The following OIP5 variants were observed in gnomAD, a reference collection of about 807,000 sequenced individuals.
The protein encoded by OIP5 is Opa interacting protein 5.
In OIP5, 24 loss-of-function variants were observed where a neutral mutation model predicts 20.3. The ratio of observed to expected loss-of-function variants is 1.18; its 90% CI spans 0.86 to 1.66. OIP5 has a LOEUF of 1.66. Among genes scored for constraint, OIP5 ranks in the 40% most tolerant of loss-of-function variants. OIP5 has a pLI of 0.00. For missense variants in OIP5, 339 were observed against 289.5 expected, an observed-to-expected ratio of 1.17 and a Z score of -1.24; for synonymous variants, 143 against 121.3, an observed-to-expected ratio of 1.18 and a Z score of -1.17.
intron 2 of OIP5, among the ~76,000 whole-genome samples, chr15:41,323,079 A>G (rs931025385): frequency 6.6e-6 from 1 of 152,244 alleles, no homozygotes; most frequent in Non-Finnish European, 1.5e-5. Flanking sequence ...AATCTTGTGA[A>G]TATAGTTAAC....
intron 2 of OIP5, 117 bp downstream of exon 2, chr15:41,331,798 A>G: frequency 1.2e-6 from 1 of 820,440 alleles, no homozygotes; most frequent in South Asian, 1.4e-5. Context: ...AGTTCATATA[A>G]GAGTCAAACA....
chr15:41,319,600 T>C (rs1471679927), intron 3 of OIP5, 58 bp downstream of exon 3: 3 of 1,533,858 alleles, frequency 2.0e-6, no homozygotes, highest in Non-Finnish European at 2.7e-6. Flanking sequence ...TTGATGGACT[T>C]TGTCTCAAAA....
chr15:41,313,130 A>T, intron 4 of OIP5, 143 bp downstream of exon 4: 1 of 643,192 alleles, frequency 1.6e-6, no homozygotes, highest in Non-Finnish European at 2.7e-6. Flanking sequence ...TTTGTTTTTC[A>T]TTACAAATTC....
In OIP5 at chr15:41,323,770, T is replaced by A. The variant is rs528109631; in HGVS notation, c.390-3990A>T. Among the ~76,000 whole-genome samples the A allele has an allele frequency of 3.3e-5, 5 of 151,896 alleles. No individual in the cohort carries two copies. The South Asian group carries it at 1.0e-3, about 32-fold the overall frequency. Reference sequence around the variant, plus strand: ...ACACATGTGAGTCACTGTGACCAGCTCCTTTGAAGCCAGGTAATGACTTCT... The same window carrying A: ...ACACATGTGAGTCACTGTGACCAGCACCTTTGAAGCCAGGTAATGACTTCT... On this transcript the variant is annotated intron_variant, in intron 2 of 4. Coordinates refer to ENST00000220514, the MANE Select transcript of OIP5 (RefSeq NM_007280.2).
intron 4 of OIP5, among the ~76,000 whole-genome samples, chr15:41,310,150 C>CA (rs1228808548): frequency 6.6e-6 from 1 of 152,160 alleles, no homozygotes; most frequent in Non-Finnish European, 1.5e-5. Context: ...CATGAGCCAC[C>CA]ACACCAAGAT....
In OIP5 at chr15:41,313,310, T is replaced by A. The variant is rs199882050; in HGVS notation, c.557A>T (p.Asp186Val). The A allele has an allele frequency of 5.2e-4, 842 of 1,605,758 alleles. No individual in the cohort carries two copies. Among genetic ancestry groups the A allele is most frequent in the Non-Finnish European group, 6.6e-4 (773 of 1,176,010 alleles). ...TTCTGATAGAGGAACATTTTGAATA[T>A]CCATCTCTGATGCATTTACTATGGC... ...TKAIVNASEM[D>V]IQNVPLSEKI... is the part of the protein sequence containing the mutation. Residue 186 changes from aspartate to valine, a missense_variant, in exon 4 of 5, where the codon GAT becomes GTT. Coordinates refer to ENST00000220514, the MANE Select transcript of OIP5 (RefSeq NM_007280.2).
At chr15:41,332,216 T>C (rs1376938661) in intron 1 of OIP5, 24 bp downstream of exon 1, 1 of 1,527,640 alleles carries the variant, frequency 6.5e-7, no homozygotes, top group South Asian at 1.3e-5. Flanking sequence ...CCTCTGCCTT[T>C]CCCGAACGCT....
chr15:41,324,903 C>G (rs1043288728), intron 2 of OIP5, among the ~76,000 whole-genome samples: 3 of 152,100 alleles, frequency 2.0e-5, no homozygotes, highest in Non-Finnish European at 4.4e-5. Context: ...TTTTCTTTCA[C>G]TTGAACACTT....
At chr15:41,323,985 CTTTTTTTT>C (rs869073906) in intron 2 of OIP5, among the ~76,000 whole-genome samples, 3 of 107,048 alleles carry the variant, frequency 2.8e-5, no homozygotes, top group African/African-American at 3.8e-5. Context: ...CCAACCTCTG[CTTTTTTTT>C]TTTTTTTTTT....
chr15:41,316,725 G>T (rs973430889), intron 3 of OIP5, among the ~76,000 whole-genome samples: 1 of 137,932 alleles, frequency 7.2e-6, no homozygotes, highest in Non-Finnish European at 1.5e-5. Flanking sequence ...AGGGGGTGAA[G>T]CTTACAGTGA....
chr15:41,310,317 C>T (rs921822586), intron 4 of OIP5, among the ~76,000 whole-genome samples: 1 of 152,244 alleles, frequency 6.6e-6, no homozygotes, highest in African/African-American at 2.4e-5. Flanking sequence ...TATACAACAA[C>T]GTAGCGCACA....
intron 2 of OIP5, among the ~76,000 whole-genome samples, chr15:41,321,891 C>G (rs529296598): frequency 1.3e-5 from 2 of 150,224 alleles, no homozygotes; most frequent in East Asian, 3.9e-4. Context: ...CCAAATCCCC[C>G]TCTGCGAGAA....
chr15:41,317,999 G>A (rs2047798196), intron 3 of OIP5, among the ~76,000 whole-genome samples: 1 of 151,970 alleles, frequency 6.6e-6, no homozygotes, highest in African/African-American at 2.4e-5. Context: ...TCTTGATCCA[G>A]TACCTGGGAG....
intron 4 of OIP5, among the ~76,000 whole-genome samples, chr15:41,312,453 G>A (rs1329808597): frequency 1.3e-5 from 2 of 152,026 alleles, no homozygotes; most frequent in African/African-American, 2.4e-5. Flanking sequence ...GAGCCACCAC[G>A]CCCAGGCAAG....
intron 2 of OIP5, among the ~76,000 whole-genome samples, chr15:41,323,873 T>C (rs151223748): frequency 1.3e-4 from 20 of 152,304 alleles, no homozygotes; most frequent in Middle Eastern, 3.4e-3. Context: ...AATATGTTCT[T>C]TAGTGTACCC....
In OIP5 at chr15:41,311,793, C is replaced by G. The variant is rs374882299; in HGVS notation, c.594+1480G>C. Reference sequence around the variant, plus strand: ...TTCACCATCTTGGCCAGGCTGAACTCCTGACCTCATGATCCACCCACCTCG... The same window carrying G: ...TTCACCATCTTGGCCAGGCTGAACTGCTGACCTCATGATCCACCCACCTCG... On this transcript the variant is annotated intron_variant, in intron 4 of 4. Transcript: ENST00000220514. Among the ~76,000 whole-genome samples the G allele has an allele frequency of 5.3e-5, 8 of 152,160 alleles. No individual in the cohort carries two copies. In the East Asian group the frequency reaches 1.2e-3, roughly 22 times the overall value.
chr15:41,318,464 T>TAAGGGAGC (rs1158519823), intron 3 of OIP5, among the ~76,000 whole-genome samples: 1 of 151,774 alleles, frequency 6.6e-6, no homozygotes, highest in African/African-American at 2.4e-5. Context: ...ACCCGGCCCA[T>TAAGGGAGC]AAGGGAGCAG....
chr15:41,321,973 AAAAGAG>A (rs2047833679), intron 2 of OIP5, among the ~76,000 whole-genome samples: 1 of 152,034 alleles, frequency 6.6e-6, no homozygotes, highest in East Asian at 1.9e-4. Context: ...TGCGCAGACT[AAAAGAG>A]AAAGAAAAGG....
intron 3 of OIP5, among the ~76,000 whole-genome samples, chr15:41,318,350 T>TG (rs1044435116): frequency 1.3e-5 from 2 of 152,038 alleles, no homozygotes; most frequent in East Asian, 1.9e-4. Context: ...TAAATGGAGA[T>TG]GGGGTTCCAC....
Sources: gnomAD v4.1 joint callset for allele counts (sites outside exome capture counted in the v4.1 genomes callset) on GRCh38, gnomAD v4.1.1 for gene constraint, MANE v1.5 for transcripts, NCBI Gene and HGNC (gene_info 2026-07-23, HGNC 2026-07-21) for gene names.